PTPRT: variants seen among roughly 807,000 people sequenced by gnomAD.
The protein encoded by PTPRT is receptor-type tyrosine-protein phosphatase T.
Under a neutral mutation model 176.8 loss-of-function variants are expected in PTPRT, and 56 were observed. That is an observed-to-expected ratio of 0.32 (90% CI 0.26 to 0.40). The LOEUF (loss-of-function observed/expected upper bound fraction) is 0.40. Among genes scored for constraint, PTPRT ranks in the 10% least tolerant of loss-of-function variants. The probability of loss-of-function intolerance (pLI) is 1.00; values close to 1 mark genes in which losing one functional copy is unlikely to be tolerated. For missense variants in PTPRT, 1,540 were observed against 1,908.2 expected (o/e 0.81, Z 3.60); for synonymous variants, 783 against 739.0 (o/e 1.06, Z -0.96).
At chr20:43,088,384 A>T (rs1449886286) in intron 1 of PTPRT, among the ~76,000 whole-genome samples, 1 of 145,726 alleles carries the variant, frequency 6.9e-6, no homozygotes, top group Non-Finnish European at 1.5e-5. Flanking sequence ...GTGTGTTGAA[A>T]ACTGGCTCTG....
chr20:42,041,613 C>T, the PTPRT span, among the ~76,000 whole-genome samples: 1 of 152,192 alleles, frequency 6.6e-6, no homozygotes, highest in African/African-American at 2.4e-5. Flanking sequence ...TGAAGGCATG[C>T]TGCCTAAATC....
chr20:43,039,415 G>A (rs1037190878), intron 1 of PTPRT, among the ~76,000 whole-genome samples: 7 of 151,288 alleles, frequency 4.6e-5, no homozygotes, highest in African/African-American at 1.7e-4. Flanking sequence ...GGCCTGATAT[G>A]GTAAAGATTT....
chr20:42,805,096 G>A (rs1253454969), intron 2 of PTPRT, among the ~76,000 whole-genome samples: 4 of 152,078 alleles, frequency 2.6e-5, no homozygotes, highest in African/African-American at 9.7e-5. Context: ...TAGAGATGAC[G>A]GAATATCATA....
At chr20:42,126,488 T>C (rs371538659) in intron 19 of PTPRT, among the ~76,000 whole-genome samples, 19 of 152,228 alleles carry the variant, frequency 1.2e-4, no homozygotes, top group Non-Finnish European at 1.3e-4. Flanking sequence ...GTGATGTTGG[T>C]ACATGAAAGG....
intron 4 of PTPRT, among the ~76,000 whole-genome samples, chr20:42,779,701 A>G (rs1264204377): frequency 2.6e-5 from 4 of 152,236 alleles, no homozygotes; most frequent in Non-Finnish European, 4.4e-5. Context: ...ACGCTGTACC[A>G]TAAGTACTAA....
chr20:42,593,554 G>A (rs2073617000), intron 7 of PTPRT, among the ~76,000 whole-genome samples: 3 of 152,106 alleles, frequency 2.0e-5, no homozygotes, highest in Non-Finnish European at 4.4e-5. Context: ...AACCAGATTT[G>A]GTGGAAAGTG....
chr20:42,240,730 T>C (rs1358063654), intron 14 of PTPRT, among the ~76,000 whole-genome samples: 1 of 151,692 alleles, frequency 6.6e-6, no homozygotes, highest in African/African-American at 2.4e-5. Flanking sequence ...CATCCATCCA[T>C]CCACCCACCC....
chr20:42,469,965 G>C (rs989097862), intron 8 of PTPRT, among the ~76,000 whole-genome samples: 1 of 152,048 alleles, frequency 6.6e-6, no homozygotes, highest in Admixed American at 6.6e-5. Context: ...TTTAGAACTC[G>C]CTTAGATGAA....
chr20:42,820,628 A>C (rs2077875624), intron 2 of PTPRT, among the ~76,000 whole-genome samples: 1 of 152,130 alleles, frequency 6.6e-6, no homozygotes, highest in African/African-American at 2.4e-5. Context: ...ACAATGCAGA[A>C]GATGGTTTTT....
chr20:42,353,544 G>A (rs770917662), intron 9 of PTPRT, among the ~76,000 whole-genome samples: 1 of 152,166 alleles, frequency 6.6e-6, no homozygotes, highest in Non-Finnish European at 1.5e-5. Context: ...ACTGTTCCCT[G>A]ATCACACACT....
chr20:42,929,725 C>T (rs1286988129), intron 1 of PTPRT, among the ~76,000 whole-genome samples: 1 of 152,192 alleles, frequency 6.6e-6, no homozygotes, highest in Non-Finnish European at 1.5e-5. Context: ...ACATTTTCCC[C>T]TTAAATCAAT....
intron 2 of PTPRT, among the ~76,000 whole-genome samples, chr20:42,876,990 T>C (rs2078943015): frequency 6.6e-6 from 1 of 152,126 alleles, no homozygotes; most frequent in South Asian, 2.1e-4. Context: ...GCTCTTAGCC[T>C]TAGGGATCAG....
intron 1 of PTPRT, among the ~76,000 whole-genome samples, chr20:43,123,383 G>A (rs1440829467): frequency 6.6e-6 from 1 of 152,098 alleles, no homozygotes; most frequent in East Asian, 1.9e-4. Flanking sequence ...TCATCTCCTC[G>A]AATCTACTCT....
intron 7 of PTPRT, among the ~76,000 whole-genome samples, chr20:42,637,068 A>G (rs2145917398): frequency 6.6e-6 from 1 of 152,256 alleles, no homozygotes; most frequent in African/African-American, 2.4e-5. Context: ...ATCATGCATC[A>G]GCATCACCAA....
chr20:42,923,391 A>G (rs1979281415), intron 1 of PTPRT, among the ~76,000 whole-genome samples: 1 of 152,226 alleles, frequency 6.6e-6, no homozygotes, highest in Non-Finnish European at 1.5e-5. Flanking sequence ...TGAATTTGCA[A>G]TCTCTAAGCC....
intron 1 of PTPRT, among the ~76,000 whole-genome samples, chr20:42,933,776 T>C (rs1980011198): frequency 6.6e-6 from 1 of 152,140 alleles, no homozygotes; most frequent in African/African-American, 2.4e-5. Context: ...TGGCTTCAAG[T>C]CAGAAGAAGA....
At chr20:42,633,993 T>C in intron 7 of PTPRT, among the ~76,000 whole-genome samples, 1 of 23,850 alleles carries the variant, frequency 4.2e-5, no homozygotes, top group East Asian at 1.3e-3. Context: ...TATTATATTA[T>C]ATATATTATA....
chr20:42,784,689 C>A (rs1178624035), intron 3 of PTPRT, among the ~76,000 whole-genome samples: 1 of 152,070 alleles, frequency 6.6e-6, no homozygotes, highest in Non-Finnish European at 1.5e-5. Flanking sequence ...CCAGTTGAAC[C>A]AAAGCTGGGT....
intron 7 of PTPRT, among the ~76,000 whole-genome samples, chr20:42,551,735 C>G (rs931517976): frequency 6.6e-6 from 1 of 152,136 alleles, no homozygotes; most frequent in Non-Finnish European, 1.5e-5. Flanking sequence ...GAATGGGGGT[C>G]TGGCTGACTA....
Sources: allele counts gnomAD v4.1 joint callset (sites outside exome capture counted in the v4.1 genomes callset), GRCh38; gene constraint gnomAD v4.1.1; transcripts MANE v1.5; gene names NCBI Gene and HGNC (gene_info 2026-07-23, HGNC 2026-07-21).